MPDZ: variants seen among roughly 807,000 people sequenced by gnomAD.
MPDZ encodes multiple PDZ domain protein.
Under a neutral mutation model 239.1 loss-of-function variants are expected in MPDZ, and 234 were observed. The ratio of observed to expected loss-of-function variants is 0.98; its 90% CI spans 0.88 to 1.09. The LOEUF (loss-of-function observed/expected upper bound fraction) is 1.09, where lower values mean the gene tolerates loss of function less well. MPDZ is among the 50% of genes least tolerant of loss of function. The pLI is 0.00. For synonymous variants in MPDZ, 1,048 were observed against 881.3 expected, an observed-to-expected ratio of 1.19 and a Z score of -3.35; for missense variants, 3,175 against 2,510.0, an observed-to-expected ratio of 1.26 and a Z score of -5.66.
At chr9:13,182,563 C>T (rs1953497861) in intron 19 of MPDZ, among the ~76,000 whole-genome samples, 2 of 151,692 alleles carry the variant, frequency 1.3e-5, no homozygotes, top group Admixed American at 1.3e-4. Context: ...TTCCAAAAAA[C>T]AACTGCAAAG....
chr9:13,170,257 T>C (rs1292493790), intron 21 of MPDZ, among the ~76,000 whole-genome samples: 1 of 152,150 alleles, frequency 6.6e-6, no homozygotes, highest in Non-Finnish European at 1.5e-5. Flanking sequence ...CCAAATTAGA[T>C]ATGATATTTC....
chr9:13,277,627 C>T (rs1974534171), intron 1 of MPDZ, among the ~76,000 whole-genome samples: 2 of 152,112 alleles, frequency 1.3e-5, no homozygotes, highest in Admixed American at 1.3e-4. Context: ...TGCAGTGGCG[C>T]GATCTCGGCT....
At chr9:13,266,411 T>G (rs964116630) in intron 1 of MPDZ, among the ~76,000 whole-genome samples, 1 of 152,240 alleles carries the variant, frequency 6.6e-6, no homozygotes, top group African/African-American at 2.4e-5. Flanking sequence ...CACAGATGCA[T>G]GTACTGAGAA....
chr9:13,273,790 CTTAATT>C (rs1272627188), intron 1 of MPDZ, among the ~76,000 whole-genome samples: 1 of 152,160 alleles, frequency 6.6e-6, no homozygotes, highest in Non-Finnish European at 1.5e-5. Flanking sequence ...ACTATTAACA[CTTAATT>C]TTAAGCAGAA....
intron 44 of MPDZ, 31 bp downstream of exon 44, chr9:13,110,605 T>C (rs2131083698): frequency 4.0e-6 from 6 of 1,518,396 alleles, no homozygotes; most frequent in Middle Eastern, 1.7e-4. Context: ...GCTACCTATA[T>C]TCTGAATTAT....
At chr9:13,110,179 C>A in intron 44 of MPDZ, 115 bp from the exon 45 acceptor site, 1 of 733,766 alleles carries the variant, frequency 1.4e-6, no homozygotes, top group Non-Finnish European at 2.2e-6. Context: ...TTCATTTAAA[C>A]ATTTCTGTTA....
chr9:13,192,821 G>A (rs1387409976), intron 14 of MPDZ, among the ~76,000 whole-genome samples: 2 of 152,220 alleles, frequency 1.3e-5, no homozygotes, highest in East Asian at 3.9e-4. Flanking sequence ...ATTGGGACAG[G>A]AAGGAGACCC....
rs796900815 is a variant in MPDZ, at chr9:13,212,058, G to GT, written c.1290+4715dup. Among the ~76,000 whole-genome samples the GT allele has an allele frequency of 5.3e-5, 8 of 152,120 alleles. 1 individual carries two copies. The highest frequency in any genetic ancestry group is 1.9e-4 in the African/African-American group (8 of 41,536). ...CATAAAATGCATAGAACTTTAGGCT[G>GT]TTTTTTATCTGCAAAACATTCTTAT... is the stretch of plus-strand genomic sequence containing the variant. On this transcript the variant is annotated intron_variant, in intron 10 of 46. Transcript: ENST00000319217.
At chr9:13,218,243 A>C (rs1280606024) in intron 8 of MPDZ, among the ~76,000 whole-genome samples, 1 of 151,954 alleles carries the variant, frequency 6.6e-6, no homozygotes, top group Admixed American at 6.6e-5. Flanking sequence ...TAAAGTTTAG[A>C]TAATTACAAG....
intron 21 of MPDZ, among the ~76,000 whole-genome samples, chr9:13,171,640 T>C (rs1951796515): frequency 6.6e-6 from 1 of 152,214 alleles, no homozygotes; most frequent in Admixed American, 6.5e-5. Flanking sequence ...CAAAGGTCAC[T>C]ATATGCACGT....
At chr9:13,256,584 G>A (rs920207127) in intron 1 of MPDZ, among the ~76,000 whole-genome samples, 1 of 152,206 alleles carries the variant, frequency 6.6e-6, no homozygotes, top group Admixed American at 6.5e-5. Context: ...AGGGAATAGA[G>A]AGGCCTCAGA....
intron 15 of MPDZ, 22 bp downstream of exon 15, chr9:13,192,109 C>G: frequency 6.4e-7 from 1 of 1,558,154 alleles, no homozygotes; most frequent in African/African-American, 1.4e-5. Flanking sequence ...GTAGGTTAGC[C>G]TCATGTATGC....
chr9:13,238,711 G>C (rs547719675), intron 3 of MPDZ, among the ~76,000 whole-genome samples: 3 of 152,208 alleles, frequency 2.0e-5, no homozygotes, highest in Admixed American at 1.3e-4. Flanking sequence ...ACAATTATCT[G>C]AAAAGCTGTA....
rs918105706 is a variant in MPDZ at position 13,176,552 on chromosome 9, T to C, written c.2650-135A>G. On this transcript the variant is annotated intron_variant, in intron 19 of 46. Coordinates refer to ENST00000319217, the MANE Select transcript of MPDZ (RefSeq NM_001378778.1). The stretch of plus-strand genomic sequence containing the variant: ...ACAATTATTTATTACTCAAAAAGCA[T>C]TAACAAACACAATTCCTCACTTAGC... 1.0e-5 allele frequency: 8 copies of C among 797,084 alleles called. No homozygotes were observed. In the South Asian group the frequency reaches 1.3e-4, roughly 13 times the overall value. The allele number at this position is 797,084 out of a possible 1,614,324, so 49.4% of individuals were successfully genotyped here. A position where few individuals can be genotyped will look rare whatever the true frequency, so the allele number is the denominator to read the frequency against.
chr9:13,264,170 A>C (rs1053981294), intron 1 of MPDZ, among the ~76,000 whole-genome samples: 4 of 152,146 alleles, frequency 2.6e-5, no homozygotes, highest in African/African-American at 7.2e-5. Flanking sequence ...ATACCAAAAA[A>C]CATGTTCATT....
intron 3 of MPDZ, among the ~76,000 whole-genome samples, chr9:13,232,783 C>G (rs1055245093): frequency 7.0e-6 from 1 of 142,996 alleles, no homozygotes; most frequent in African/African-American, 2.6e-5. Flanking sequence ...AAATATCCAG[C>G]AAAGAAGTTG....
intron 3 of MPDZ, among the ~76,000 whole-genome samples, chr9:13,234,834 T>C (rs987802148): frequency 6.6e-6 from 1 of 152,000 alleles, no homozygotes; most frequent in Non-Finnish European, 1.5e-5. Flanking sequence ...TTTTTAATCA[T>C]GCACCTTGTA....
Position 13,119,621 on chromosome 9 carries a change from T to C in MPDZ, c.5260A>G (p.Ile1754Val), listed in dbSNP as rs777153532. ...GCATCTGCAATTCCTCCTTTGACAA[T>C]GTCTGACACAAATACTCCAGTATCG... is the stretch of plus-strand genomic sequence containing the variant. ...RNDTGVFVSD[I>V]VKGGIADADG... is the part of the protein sequence containing the mutation. The change falls in exon 39 of 47, where the codon ATT becomes GTT. Residue 1754 changes from isoleucine to valine, a missense_variant. Coordinates refer to ENST00000319217, the MANE Select transcript of MPDZ (RefSeq NM_001378778.1). The C allele has an allele frequency of 1.2e-6, 2 of 1,614,016 alleles. No individual in the cohort carries two copies. Among genetic ancestry groups the C allele is most frequent in the Admixed American group, 3.3e-5 (2 of 60,032 alleles).
chr9:13,142,455 T>G (rs1409442356), intron 27 of MPDZ, among the ~76,000 whole-genome samples: 2 of 152,174 alleles, frequency 1.3e-5, no homozygotes, highest in African/African-American at 4.8e-5. Flanking sequence ...GTGACACTTT[T>G]TAAAATTTAT....
Sources: allele counts gnomAD v4.1 joint callset (sites outside exome capture counted in the v4.1 genomes callset), GRCh38; gene constraint gnomAD v4.1.1; transcripts MANE v1.5; gene names NCBI Gene and HGNC (gene_info 2026-07-23, HGNC 2026-07-21).